GRID2: variants seen among roughly 807,000 people sequenced by gnomAD.
GRID2 encodes glutamate ionotropic receptor delta type subunit 2, also known as glutamate receptor ionotropic, delta-2.
A neutral mutation model predicts 114.8 loss-of-function variants in GRID2; 33 were observed. The ratio of observed to expected loss-of-function variants is 0.29; its 90% CI spans 0.22 to 0.38. The LOEUF is 0.38. GRID2 is among the 10% of genes least tolerant of loss of function. The pLI is 1.00. For synonymous variants in GRID2, 505 were observed against 449.9 expected (o/e 1.12, Z -1.55); for missense variants, 1,184 against 1,257.7 (o/e 0.94, Z 0.89).
intron 1 of GRID2, among the ~76,000 whole-genome samples, chr4:92,582,861 C>T (rs1002948251): frequency 2.0e-5 from 3 of 151,740 alleles, no homozygotes; most frequent in East Asian, 1.9e-4. Context: ...GTTGCATGCC[C>T]CTGTAGTTCC....
intron 2 of GRID2, among the ~76,000 whole-genome samples, chr4:93,070,157 A>G (rs1728686828): frequency 1.3e-5 from 2 of 152,152 alleles, no homozygotes; most frequent in Non-Finnish European, 2.9e-5. Context: ...AACATATCAG[A>G]GAAAGGAGTC....
intron 2 of GRID2, among the ~76,000 whole-genome samples, chr4:93,023,634 G>T (rs1723606871): frequency 6.6e-6 from 1 of 151,624 alleles, no homozygotes; most frequent in Non-Finnish European, 1.5e-5. Context: ...CTTAAAAGTG[G>T]GGTCTATGCC....
rs566529622 is a variant in GRID2, at chr4:92,780,037, A to G, written c.244+189751A>G. On this transcript the variant is annotated intron_variant, in intron 2 of 15. Coordinates refer to ENST00000282020, the MANE Select transcript of GRID2 (RefSeq NM_001510.4). The stretch of plus-strand genomic sequence containing the variant: ...GAAATGAAAAAATATCAACTTAATT[A>G]CTGAGAAAACAAAACTAATAGAGAA... Among the ~76,000 whole-genome samples the G allele has an allele frequency of 3.3e-5, 5 of 152,304 alleles. 1 individual carries two copies. The South Asian group carries it at 1.0e-3, about 32-fold the overall frequency.
intron 1 of GRID2, among the ~76,000 whole-genome samples, chr4:92,352,849 C>T (rs763123101): frequency 7.9e-5 from 12 of 151,866 alleles, no homozygotes; most frequent in Non-Finnish European, 1.5e-4. Context: ...TATTAAGTGT[C>T]TTGGTTTGGA....
At chr4:93,085,780 A>C (rs903096036) in intron 3 of GRID2, among the ~76,000 whole-genome samples, 1 of 152,134 alleles carries the variant, frequency 6.6e-6, no homozygotes. Flanking sequence ...GGAGTCACTA[A>C]AATTATATCA....
chr4:92,456,130 A>G (rs1424374260), intron 1 of GRID2, among the ~76,000 whole-genome samples: 1 of 151,320 alleles, frequency 6.6e-6, no homozygotes, highest in African/African-American at 2.4e-5. Context: ...CAATGGAAGC[A>G]ATAAAATGAA....
intron 1 of GRID2, among the ~76,000 whole-genome samples, chr4:92,485,306 ATATATAT>A (rs1722811691): frequency 1.3e-4 from 2 of 14,918 alleles, no homozygotes; most frequent in Non-Finnish European, 2.6e-4. Flanking sequence ...GTGTGCATAT[ATATATAT>A]ATATATATAT....
chr4:93,242,401 T>C lies in GRID2; in HGVS notation c.1245+3911T>C, dbSNP rs370002668. On this transcript the variant is annotated intron_variant, in intron 8 of 15. Transcript: ENST00000282020. Reference sequence around the variant, plus strand: ...AGTTGTGGATGTTTGTCCAGCAGCATTGAGCAGACTGAATAAATTTAAATT... The same window carrying C: ...AGTTGTGGATGTTTGTCCAGCAGCACTGAGCAGACTGAATAAATTTAAATT... Among the ~76,000 whole-genome samples the C allele has an allele frequency of 9.9e-5, 15 of 152,126 alleles. 1 individual carries two copies. The South Asian group carries it at 1.4e-3, about 15-fold the overall frequency.
intron 2 of GRID2, among the ~76,000 whole-genome samples, chr4:92,741,605 T>A (rs1488327342): frequency 2.6e-5 from 4 of 152,196 alleles, no homozygotes; most frequent in African/African-American, 9.7e-5. Flanking sequence ...CTGCTTCTCA[T>A]GTGGGATTTC....
intron 10 of GRID2, among the ~76,000 whole-genome samples, chr4:93,441,948 AG>A (rs1721659061): frequency 6.6e-6 from 1 of 152,030 alleles, no homozygotes; most frequent in Non-Finnish European, 1.5e-5. Context: ...TCCCTCTAGC[AG>A]TGTGAGGACA....
rs868453116 is a variant in GRID2, at chr4:93,178,404, T to A, written c.736-29000T>A. On this transcript the variant is annotated intron_variant, in intron 4 of 15. Coordinates refer to ENST00000282020, the MANE Select transcript of GRID2 (RefSeq NM_001510.4). ...GATTTTTTTTTTTTTTTTTTTTTTT[T>A]TTTTTTCCAGAGAGAGGAATCTTGC... 4.2e-3 allele frequency among the ~76,000 whole-genome samples: 586 copies of A among 139,278 alleles called. 12 individuals carry two copies. The highest frequency in any genetic ancestry group is 0.015 in the African/African-American group (563 of 36,408). 91.4% of individuals were successfully genotyped at this position (139,278 alleles called of 152,430 possible). A position where few individuals can be genotyped will look rare whatever the true frequency, so the allele number is the denominator to read the frequency against.
chr4:92,540,920 TAAGAA>T (rs1370832458), intron 1 of GRID2, among the ~76,000 whole-genome samples: 1 of 152,146 alleles, frequency 6.6e-6, no homozygotes, highest in African/African-American at 2.4e-5. Flanking sequence ...TAGACTGGAT[TAAGAA>T]AATGTGGCAT....
chr4:92,692,614 T>A (rs1236090210), intron 2 of GRID2, among the ~76,000 whole-genome samples: 4 of 152,150 alleles, frequency 2.6e-5, no homozygotes, highest in Non-Finnish European at 5.9e-5. Context: ...TAAACCAGTA[T>A]TGGGAATGCT....
At chr4:93,057,531 T>A (rs1727374795) in intron 2 of GRID2, among the ~76,000 whole-genome samples, 2 of 151,680 alleles carry the variant, frequency 1.3e-5, no homozygotes, top group African/African-American at 4.8e-5. Flanking sequence ...AAGATGAGGG[T>A]GGCCAGGAAA....
intron 10 of GRID2, among the ~76,000 whole-genome samples, chr4:93,429,068 G>A (rs889634375): frequency 5.9e-5 from 9 of 152,310 alleles, no homozygotes; most frequent in African/African-American, 9.6e-5. Flanking sequence ...GTTGCTGCCC[G>A]TGCCCTAGCT....
chr4:92,988,035 T>G (rs1754620230), intron 2 of GRID2, among the ~76,000 whole-genome samples: 3 of 152,234 alleles, frequency 2.0e-5, no homozygotes, highest in Admixed American at 2.0e-4. Context: ...TTCAATTCAT[T>G]TATTCAATAA....
At chr4:92,334,129 A>T (rs1245864425) in intron 1 of GRID2, among the ~76,000 whole-genome samples, 1 of 152,176 alleles carries the variant, frequency 6.6e-6, no homozygotes, top group African/African-American at 2.4e-5. Flanking sequence ...CTTTATAACA[A>T]GGATGGCCTT....
At chr4:93,063,083 G>A (rs1168937671) in intron 2 of GRID2, among the ~76,000 whole-genome samples, 1 of 151,842 alleles carries the variant, frequency 6.6e-6, no homozygotes, top group Non-Finnish European at 1.5e-5. Flanking sequence ...TAACAGTGAT[G>A]TTTGGGCTTT....
At chr4:93,690,968 GTCTT>G (rs1386663358) in intron 14 of GRID2, among the ~76,000 whole-genome samples, 3 of 148,204 alleles carry the variant, frequency 2.0e-5, no homozygotes. Flanking sequence ...ATATAAATAA[GTCTT>G]TCATTTTAAT....
Sources: allele counts gnomAD v4.1 joint callset (sites outside exome capture counted in the v4.1 genomes callset), GRCh38; gene constraint gnomAD v4.1.1; transcripts MANE v1.5; gene names NCBI Gene and HGNC (gene_info 2026-07-23, HGNC 2026-07-21).